Variants in MCM9 observed in about 807,000 individuals in gnomAD.
The protein encoded by MCM9 is DNA helicase MCM9.
In MCM9, 55 loss-of-function variants were observed where a neutral mutation model predicts 72.8. The observed-to-expected ratio is 0.76, with a 90% CI of 0.61 to 0.95. The LOEUF (loss-of-function observed/expected upper bound fraction) is 0.95. MCM9 is among the 40% of genes least tolerant of loss of function. The pLI is 0.00. For synonymous variants in MCM9, 480 were observed against 503.4 expected, an observed-to-expected ratio of 0.95 and a Z score of 0.62; for missense variants, 1,279 against 1,377.0, an observed-to-expected ratio of 0.93 and a Z score of 1.13.
At chr6:118,889,855 T>C (rs1778833656) in intron 8 of MCM9, among the ~76,000 whole-genome samples, 1 of 152,202 alleles carries the variant, frequency 6.6e-6, no homozygotes, top group African/African-American at 2.4e-5. Flanking sequence ...GGATCAGATA[T>C]AGCTTATACC....
chr6:118,839,816 C>T (rs1452819365), intron 9 of MCM9, among the ~76,000 whole-genome samples: 2 of 152,158 alleles, frequency 1.3e-5, no homozygotes, highest in South Asian at 2.1e-4. Flanking sequence ...GAGGGGCACC[C>T]GCCAGATGCC....
chr6:118,816,161 T>C lies in MCM9; in HGVS notation c.2095A>G (p.Thr699Ala), dbSNP rs1773396735. ...CTGCCTCCAGGAGAGAAGATATGTGTGCTATAGTTGATTTCCTGCTGTGAT... is the reference window on the plus strand; with the variant it reads ...CTGCCTCCAGGAGAGAAGATATGTGCGCTATAGTTGATTTCCTGCTGTGAT... The part of the protein sequence containing the change: ...TSSQQEINYS[T>A]HIFSPGGSPE... Residue 699 changes from threonine (T) to alanine (A), a missense_variant, in exon 14 of 14, where the codon ACA becomes GCA. By Grantham distance (58) the Thr-to-Ala change is moderately conservative. Coordinates refer to ENST00000619706, the MANE Select transcript of MCM9 (RefSeq NM_017696.3). 1.3e-6 allele frequency: 2 copies of C among 1,550,510 alleles called. No individual in the cohort carries two copies. The highest frequency in any genetic ancestry group is 8.7e-7 in the Non-Finnish European group (1 of 1,146,944).
intron 9 of MCM9, among the ~76,000 whole-genome samples, chr6:118,836,419 A>G (rs1272080376): frequency 1.3e-5 from 2 of 152,186 alleles, no homozygotes; most frequent in Non-Finnish European, 1.5e-5. Flanking sequence ...CAGAAGGAAT[A>G]GTACCAGCTC....
Position 118,814,249 on chromosome 6 carries a change from C to G in MCM9, c.*575G>C, listed in dbSNP as rs971749533. 2.0e-5 allele frequency: 3 copies of G among 152,066 alleles called. No individual in the cohort carries two copies. Among genetic ancestry groups the G allele is most frequent in the Non-Finnish European group, 4.4e-5 (3 of 68,034 alleles). The allele number at this position is 152,066 out of a possible 1,614,324, so 9.4% of individuals were successfully genotyped here. On this transcript the variant is annotated 3_prime_UTR_variant, in exon 14 of 14. Coordinates refer to ENST00000619706, the MANE Select transcript of MCM9 (RefSeq NM_017696.3). ...ACATCATGGAATTGTAAGGATACCT[C>G]TCAAAGAAAGAAAAGCATTAGTCAC...
Position 118,875,422 on chromosome 6 carries a change from G to A in MCM9, c.1151-18877C>T, listed in dbSNP as rs145760785. On this transcript the variant is annotated intron_variant, in intron 8 of 13. Coordinates refer to ENST00000619706, the MANE Select transcript of MCM9 (RefSeq NM_017696.3). ...AAGCCAAAGCAGGCATATTGCTTGA[G>A]CAATATGTGTTTCAATAGTAGCCCA... is the stretch of plus-strand genomic sequence containing the variant. Among the ~76,000 whole-genome samples, 13 of 152,126 alleles carry A rather than the reference G, an allele frequency of 8.5e-5. No individual in the cohort carries two copies. The East Asian group carries it at 2.5e-3, about 29-fold the overall frequency.
intron 13 of MCM9, among the ~76,000 whole-genome samples, chr6:118,824,345 C>CTTTTTTTTTTTTT (rs781078527): frequency 0.039 from 5,755 of 147,862 alleles, 188 homozygotes; most frequent in East Asian, 0.15. Flanking sequence ...TTTAGTCTTT[C>CTTTTTTTTTTTTT]TTTTTTTTTC....
intron 9 of MCM9, among the ~76,000 whole-genome samples, chr6:118,848,315 A>C (rs1339074913): frequency 6.6e-6 from 1 of 151,936 alleles, no homozygotes; most frequent in African/African-American, 2.4e-5. Flanking sequence ...GATATTATTT[A>C]AAGTTCCCAA....
intron 6 of MCM9, 99 bp from the exon 7 acceptor site, chr6:118,913,519 A>C: frequency 6.9e-7 from 1 of 1,449,900 alleles, no homozygotes; most frequent in South Asian, 1.3e-5. Context: ...ATTTAAATAT[A>C]CTCTACTATG....
intron 8 of MCM9, among the ~76,000 whole-genome samples, chr6:118,868,848 G>C (rs1777393017): frequency 6.6e-6 from 1 of 152,222 alleles, no homozygotes; most frequent in Non-Finnish European, 1.5e-5. Flanking sequence ...CATTGTGGAA[G>C]ACAGTGTGGT....
intron 8 of MCM9, chr6:118,894,238 A>C (rs11542663): frequency 0.32 from 452,518 of 1,428,496 alleles, 76,569 homozygotes; most frequent in East Asian, 0.63. Context: ...AAAGCTGCAA[A>C]ACACTGTGGA....
At chr6:118,901,992 T>A (rs1779823926) in intron 8 of MCM9, among the ~76,000 whole-genome samples, 1 of 152,196 alleles carries the variant, frequency 6.6e-6, no homozygotes, top group Non-Finnish European at 1.5e-5. Context: ...AATACAGAAT[T>A]TAGAATCTTG....
chr6:118,909,386 CTT>C (rs1344064085), intron 8 of MCM9, among the ~76,000 whole-genome samples: 4 of 152,126 alleles, frequency 2.6e-5, no homozygotes, highest in Non-Finnish European at 5.9e-5. Context: ...GAACCATTAC[CTT>C]TTGTTATCTT....
chr6:118,901,118 A>G lies in MCM9; in HGVS notation c.1150+10532T>C, dbSNP rs1779773453. 4 of 379,258 alleles carry G rather than the reference A, an allele frequency of 1.1e-5. No homozygotes were observed. In the Admixed American group the frequency reaches 1.7e-4, roughly 16 times the overall value. 23.5% of individuals were successfully genotyped at this position (379,258 alleles called of 1,614,324 possible). On this transcript the variant is annotated intron_variant, in intron 8 of 13. Coordinates refer to ENST00000619706, the MANE Select transcript of MCM9 (RefSeq NM_017696.3). ...GACGTTTACTTTAGAGAGATGAACA[A>G]CCTACAGTAAATTTTATACTGTATC...
At chr6:118,818,067 A>G (rs1773526895) in intron 13 of MCM9, among the ~76,000 whole-genome samples, 1 of 151,980 alleles carries the variant, frequency 6.6e-6, no homozygotes, top group Non-Finnish European at 1.5e-5. Context: ...ATTTTCTCAC[A>G]TTCTATAAGT....
chr6:118,922,624 T>G (rs1355592688), intron 4 of MCM9, among the ~76,000 whole-genome samples: 1 of 152,172 alleles, frequency 6.6e-6, no homozygotes, highest in Non-Finnish European at 1.5e-5. Context: ...AAGTGGAGAA[T>G]TGGTTAGGTG....
chr6:118,833,874 C>T (rs1333679274), intron 9 of MCM9, among the ~76,000 whole-genome samples: 2 of 152,060 alleles, frequency 1.3e-5, no homozygotes, highest in African/African-American at 4.8e-5. Flanking sequence ...GTGACTTATA[C>T]TTTTTAAAAA....
chr6:118,930,134 G>A (rs560338536), intron 3 of MCM9, among the ~76,000 whole-genome samples: 15 of 150,314 alleles, frequency 1.0e-4, no homozygotes, highest in Admixed American at 3.3e-4. Context: ...TTTTTGAGAC[G>A]GAGTCTCGCT....
At chr6:118,829,770 T>C (rs1165766833) in intron 9 of MCM9, among the ~76,000 whole-genome samples, 1 of 152,080 alleles carries the variant, frequency 6.6e-6, no homozygotes, top group African/African-American at 2.4e-5. Flanking sequence ...GGGGTGAGGG[T>C]AGAGAGTGAG....
chr6:118,907,757 A>G (rs1302282971), intron 8 of MCM9: 1 of 614,074 alleles, frequency 1.6e-6, no homozygotes, highest in Admixed American at 3.2e-5. Flanking sequence ...GAAAACCAGT[A>G]TTTGAACAAA....
Sources: allele counts gnomAD v4.1 joint callset (sites outside exome capture counted in the v4.1 genomes callset), GRCh38; gene constraint gnomAD v4.1.1; transcripts MANE v1.5; gene names NCBI Gene and HGNC (gene_info 2026-07-23, HGNC 2026-07-21).